Variants in DYNC1LI1 observed in about 807,000 individuals in gnomAD.
DYNC1LI1 encodes cytoplasmic dynein 1 light intermediate chain 1.
Under a neutral mutation model 63.8 loss-of-function variants are expected in DYNC1LI1, and 19 were observed. The ratio of observed to expected loss-of-function variants is 0.30; its 90% CI spans 0.21 to 0.44. The LOEUF is 0.44. Ranked by LOEUF, DYNC1LI1 falls within the 20% of genes least tolerant of loss-of-function variation. The pLI is 1.00. For missense variants in DYNC1LI1, 565 were observed against 630.2 expected (o/e 0.90, Z 1.11); for synonymous variants, 225 against 232.3 (o/e 0.97, Z 0.28).
chr3:32,551,952 C>T (rs79390395), intron 2 of DYNC1LI1, among the ~76,000 whole-genome samples: 82 of 152,270 alleles, frequency 5.4e-4, no homozygotes, highest in African/African-American at 1.8e-3. Flanking sequence ...TCTGGTGACC[C>T]ACAGACTTCC....
rs532246198 is a variant in DYNC1LI1, at chr3:32,570,435, G to A, written c.147-16C>T. On this transcript the variant is annotated splice_polypyrimidine_tract_variant and intron_variant, in intron 1 of 12. Coordinates refer to ENST00000273130, the MANE Select transcript of DYNC1LI1 (RefSeq NM_016141.4). ...GATGCAGGACCTAACGGGAAGCAAGGCGTACGGTGAGGCCGGAGGCCGGAG... is the reference window on the plus strand; with the variant it reads ...GATGCAGGACCTAACGGGAAGCAAGACGTACGGTGAGGCCGGAGGCCGGAG... 3.8e-6 allele frequency: 6 copies of A among 1,588,012 alleles called. No individual in the cohort carries two copies. Among genetic ancestry groups the A allele is most frequent in the African/African-American group, 2.7e-5 (2 of 73,564 alleles).
chr3:32,552,908 G>A (rs1385746988), intron 2 of DYNC1LI1, among the ~76,000 whole-genome samples: 2 of 152,094 alleles, frequency 1.3e-5, no homozygotes, highest in Non-Finnish European at 2.9e-5. Flanking sequence ...GTTTCACCAT[G>A]TTGGCCAGGA....
In DYNC1LI1 at chr3:32,534,607, T is replaced by C; in HGVS notation, c.872A>G (p.Lys291Arg). Reference sequence around the variant, plus strand: ...GTATTTATATACTAAGTCTATATTTTTGTTTTCTTTTACTGAAGTGTAAAT... The same window carrying C: ...GTATTTATATACTAAGTCTATATTTCTGTTTTCTTTTACTGAAGTGTAAAT... ...ALIYTSVKEN[K>R]NIDLVYKYIV... The change falls in exon 7 of 13, where the codon AAA (lysine) becomes AGA (arginine). Residue 291 changes from lysine (K) to arginine (R), a missense_variant. Lys to Arg is a conservative substitution (Grantham distance 26, BLOSUM62 2). Transcript: ENST00000273130. The C allele has an allele frequency of 6.3e-7, 1 of 1,592,024 alleles. No individual in the cohort carries two copies. The highest frequency in any genetic ancestry group is 2.2e-5 in the East Asian group (1 of 44,604).
In DYNC1LI1 at chr3:32,526,630, G is replaced by A. The variant is rs1697621905; in HGVS notation, c.*169C>T. 8 of 528,052 alleles carry A rather than the reference G, an allele frequency of 1.5e-5. No homozygotes were observed. The highest frequency in any genetic ancestry group is 1.2e-4 in the South Asian group (4 of 34,716). 32.7% of individuals were successfully genotyped at this position (528,052 alleles called of 1,614,324 possible). The stretch of plus-strand genomic sequence containing the variant: ...ATGTAGAATAATTTTTCTTCTGTAC[G>A]GCTCCTTCTAAAAAATGGGTAACCA... On this transcript the variant is annotated 3_prime_UTR_variant, in exon 13 of 13. Transcript: ENST00000273130.
At position 32,558,611 on chromosome 3, in the gene DYNC1LI1, C is replaced by G. The variant is rs907976266; in HGVS notation, c.220+11735G>C. ...CTGTAATCCCAGCACTTTGGGAGGC[C>G]GAGGCGGGCCGATCATCTGAGGTTG... On this transcript the variant is annotated intron_variant, in intron 2 of 12. Transcript: ENST00000273130. Among the ~76,000 whole-genome samples, 7 of 151,782 alleles carry G rather than the reference C, an allele frequency of 4.6e-5. 1 individual carries two copies. Among genetic ancestry groups the G allele is most frequent in the Admixed American group, 3.9e-4 (6 of 15,236 alleles).
At position 32,532,809 on chromosome 3, in the gene DYNC1LI1, T is replaced by C; in HGVS notation, c.1080+177A>G. The C allele has an allele frequency of 9.6e-6, 11 of 1,142,604 alleles. No homozygotes were observed. The South Asian group carries it at 2.5e-4, about 26-fold the overall frequency. 70.8% of individuals were successfully genotyped at this position (1,142,604 alleles called of 1,614,324 possible). ...TAATTAGCTGAATAGCTGATTTCTA[T>C]TTTGCTAAAACAAATCCTTATGTAA... On this transcript the variant is annotated intron_variant, in intron 8 of 12. Coordinates refer to ENST00000273130, the MANE Select transcript of DYNC1LI1 (RefSeq NM_016141.4).
intron 4 of DYNC1LI1, among the ~76,000 whole-genome samples, chr3:32,541,571 A>G (rs1408236655): frequency 2.6e-5 from 4 of 152,226 alleles, no homozygotes; most frequent in South Asian, 2.1e-4. Context: ...AAAAAATCCC[A>G]TAACTTAAAA....
intron 12 of DYNC1LI1, 116 bp downstream of exon 12, chr3:32,528,330 G>A (rs1697650058): frequency 1.8e-6 from 2 of 1,136,914 alleles, no homozygotes; most frequent in Non-Finnish European, 2.6e-6. Flanking sequence ...GTGATGGCCT[G>A]CCCAACTTAG....
At chr3:32,564,437 C>G (rs1008797903) in intron 2 of DYNC1LI1, among the ~76,000 whole-genome samples, 1 of 152,188 alleles carries the variant, frequency 6.6e-6, no homozygotes, top group Non-Finnish European at 1.5e-5. Context: ...CAAGCCTGTA[C>G]CCATTCATTT....
chr3:32,534,541 G>C lies in DYNC1LI1; in HGVS notation c.938C>G (p.Ala313Gly), dbSNP rs761760806. Reference sequence around the variant, plus strand: ...TACTGCATCCTTTTCCACAACAACAGCAGGAATCTTATAGGGAAATCCATA... The same window carrying C: ...TACTGCATCCTTTTCCACAACAACACCAGGAATCTTATAGGGAAATCCATA... ...KLYGFPYKIP[A>G]VVVEKDAVFI... The change falls in exon 7 of 13, where the codon GCT (alanine) becomes GGT (glycine). Residue 313 changes from alanine (A) to glycine (G), a missense_variant. Transcript: ENST00000273130. The C allele has an allele frequency of 6.3e-7, 1 of 1,593,894 alleles. No homozygotes were observed. Among genetic ancestry groups the C allele is most frequent in the Admixed American group, 1.7e-5 (1 of 57,734 alleles).
intron 5 of DYNC1LI1, among the ~76,000 whole-genome samples, chr3:32,540,084 T>A (rs1697859666): frequency 6.6e-6 from 1 of 151,310 alleles, no homozygotes; most frequent in South Asian, 2.1e-4. Flanking sequence ...TTAGCCAGGA[T>A]GGTCTCGATC....
chr3:32,550,733 C>G (rs2125440447), intron 2 of DYNC1LI1, among the ~76,000 whole-genome samples: 1 of 152,266 alleles, frequency 6.6e-6, no homozygotes, highest in East Asian at 1.9e-4. Flanking sequence ...GGACCCACCC[C>G]CTTAGTTTCT....
rs772385078 is a variant in DYNC1LI1 at position 32,570,346 on chromosome 3, C to A, written c.220G>T (p.Gly74Cys). 2 of 1,580,244 alleles carry A rather than the reference C, an allele frequency of 1.3e-6. No individual in the cohort carries two copies. The highest frequency in any genetic ancestry group is 3.4e-5 in the Admixed American group (2 of 58,272). Residue 74 changes from glycine (G) to cysteine (C), a missense_variant and splice_region_variant, in exon 2 of 13, where the codon GGT becomes TGT. Transcript: ENST00000273130. Reference protein sequence around the residue: ...LPAGKNVLLLGEDGAGKTSLI... With the variant: ...LPAGKNVLLLCEDGAGKTSLI... ...GCGGGGCGAGGCAGGGAACACTTAC[C>A]CAGCAGTAGCACGTTCTTCCCCGCA...
At chr3:32,549,131 T>C (rs1022441109) in intron 2 of DYNC1LI1, among the ~76,000 whole-genome samples, 2 of 152,068 alleles carry the variant, frequency 1.3e-5, no homozygotes, top group Non-Finnish European at 2.9e-5. Context: ...TATTGATGTT[T>C]CTAATTTGAA....
chr3:32,538,409 A>C (rs972249597), intron 5 of DYNC1LI1, among the ~76,000 whole-genome samples: 2 of 151,964 alleles, frequency 1.3e-5, no homozygotes, highest in East Asian at 3.9e-4. Context: ...ATTAAATAAA[A>C]ATATTTTAAG....
chr3:32,560,372 G>A (rs1698173567), intron 2 of DYNC1LI1, among the ~76,000 whole-genome samples: 1 of 152,192 alleles, frequency 6.6e-6, no homozygotes. Context: ...GACGGAGGTT[G>A]CAGTGAGCCG....
chr3:32,565,609 A>G (rs1479166828), intron 2 of DYNC1LI1, among the ~76,000 whole-genome samples: 1 of 152,032 alleles, frequency 6.6e-6, no homozygotes, highest in Non-Finnish European at 1.5e-5. Flanking sequence ...TAGGCTGCAC[A>G]ATTTTTCTTT....
rs199851895 is a variant in DYNC1LI1, at chr3:32,544,882, G to C, written c.562C>G (p.Gln188Glu). The change falls in exon 4 of 13, where the codon CAA (glutamine) becomes GAA (glutamate). Residue 188 changes from glutamine (Q) to glutamate (E), a missense_variant. By Grantham distance (29) the Gln-to-Glu change is conservative. Coordinates refer to ENST00000273130, the MANE Select transcript of DYNC1LI1 (RefSeq NM_016141.4). ...IPPEEMKQMEQKLIRDFQEYV... is the reference protein window; with the variant it reads ...IPPEEMKQMEEKLIRDFQEYV... ...CTGTTTCTAGATTACTTACACTTTTGTTCCATTTGTTTCATTTCTTCAGGA... is the reference window on the plus strand; with the variant it reads ...CTGTTTCTAGATTACTTACACTTTTCTTCCATTTGTTTCATTTCTTCAGGA... 6.2e-7 allele frequency: 1 copy of C among 1,603,060 alleles called. No individual in the cohort carries two copies. Among genetic ancestry groups the C allele is most frequent in the Admixed American group, 1.7e-5 (1 of 59,984 alleles).
chr3:32,543,389 ATTTCC>A (rs1283184108), intron 4 of DYNC1LI1, among the ~76,000 whole-genome samples: 3 of 143,988 alleles, frequency 2.1e-5, no homozygotes, highest in Non-Finnish European at 4.6e-5. Flanking sequence ...TCATCTATGT[ATTTCC>A]TTTCTTTTTT....
Sources: gnomAD v4.1 joint callset for allele counts (sites outside exome capture counted in the v4.1 genomes callset) on GRCh38, gnomAD v4.1.1 for gene constraint, MANE v1.5 for transcripts, NCBI Gene and HGNC (gene_info 2026-07-23, HGNC 2026-07-21) for gene names.